Variants in CCDC171 observed in about 807,000 individuals in gnomAD.
CCDC171 encodes the protein coiled-coil domain containing 171, also known as coiled-coil domain-containing protein 171.
In CCDC171, 177 loss-of-function variants were observed where a neutral mutation model predicts 168.2. The ratio of observed to expected loss-of-function variants is 1.05; its 90% confidence interval spans 0.93 to 1.19. CCDC171 has a LOEUF of 1.19. Ranked by LOEUF, CCDC171 falls within the 50% of genes most tolerant of loss-of-function variation. The pLI is 0.00. For missense variants in CCDC171, 1,991 were observed against 1,539.0 expected (o/e 1.29, Z -4.91); for synonymous variants, 687 against 540.8 (o/e 1.27, Z -3.75).
intron 21 of CCDC171, among the ~76,000 whole-genome samples, chr9:15,799,389 T>G (rs1243571803): frequency 6.6e-6 from 1 of 151,732 alleles, no homozygotes; most frequent in Non-Finnish European, 1.5e-5. Flanking sequence ...CGTGTTCATT[T>G]TACCTTTGTT....
intron 3 of CCDC171, among the ~76,000 whole-genome samples, chr9:15,573,720 T>G (rs2040419525): frequency 1.3e-5 from 2 of 152,200 alleles, no homozygotes; most frequent in African/African-American, 4.8e-5. Context: ...CAAATGCACA[T>G]TTTACTTGAG....
intron 23 of CCDC171, among the ~76,000 whole-genome samples, chr9:15,874,077 T>C (rs1218176506): frequency 6.6e-6 from 1 of 152,104 alleles, no homozygotes; most frequent in Non-Finnish European, 1.5e-5. Context: ...AGAGTACATG[T>C]TATTGAAGTT....
Position 15,563,980 on chromosome 9 carries a change from C to G in CCDC171, c.-109C>G, listed in dbSNP as rs1194887130. The G allele has an allele frequency of 2.5e-6, 2 of 789,012 alleles. No individual in the cohort carries two copies. The highest frequency in any genetic ancestry group is 1.8e-5 in the African/African-American group (1 of 56,876). The allele number at this position is 789,012 out of a possible 1,614,324, so 48.9% of individuals were successfully genotyped here. A position where few individuals can be genotyped will look rare whatever the true frequency, so the allele number is the denominator to read the frequency against. ...TGTATCATTTACTATTTTAACAGAC[C>G]TCAAATCATCTAACGTGAAGCCACA... On this transcript the variant is annotated splice_region_variant and 5_prime_UTR_variant, in exon 2 of 26. Coordinates refer to ENST00000380701, the MANE Select transcript of CCDC171 (RefSeq NM_173550.4).
At chr9:15,625,134 A>G (rs1327187132) in intron 7 of CCDC171, among the ~76,000 whole-genome samples, 3 of 152,164 alleles carry the variant, frequency 2.0e-5, no homozygotes, top group Non-Finnish European at 2.9e-5. Context: ...GTGTCTGTTC[A>G]TATCCTTCGC....
In CCDC171 at chr9:15,779,111, C is replaced by T. The variant is rs1168783866; in HGVS notation, c.3042C>T (p.Ala1014=). Reference sequence around the variant, plus strand: ...AAATGAAAAAGGAGCTTGACAAAGCCCAGGGTCTGCAAATGCAATTAAATG... The same window carrying T: ...AAATGAAAAAGGAGCTTGACAAAGCTCAGGGTCTGCAAATGCAATTAAATG... The part of the protein sequence containing the change: ...VNEMKKELDK[A]QGLQMQLNEF... The change falls in exon 20 of 26, where the codon GCC becomes GCT. Residue 1014 remains alanine, a synonymous_variant. Coordinates refer to ENST00000380701, the MANE Select transcript of CCDC171 (RefSeq NM_173550.4). 6.3e-7 allele frequency: 1 copy of T among 1,591,720 alleles called. No homozygotes were observed. Among genetic ancestry groups the T allele is most frequent in the Admixed American group, 1.8e-5 (1 of 55,688 alleles).
At position 15,641,200 on chromosome 9, in the gene CCDC171, C is replaced by T. The variant is rs138864261; in HGVS notation, c.823-15927C>T. On this transcript the variant is annotated intron_variant, in intron 7 of 25. Transcript: ENST00000380701. ...TTTCTATTTATACAAGTTATTGATA[C>T]GTTTGGGGTAAACTTTGTGCAACTA... 3.6e-3 allele frequency among the ~76,000 whole-genome samples: 542 copies of T among 152,100 alleles called. 1 individual carries two copies. The highest frequency in any genetic ancestry group is 0.012 in the African/African-American group (487 of 41,508).
chr9:15,609,225 G>A lies in CCDC171; in HGVS notation c.676-14042G>A, dbSNP rs1290765069. On this transcript the variant is annotated intron_variant, in intron 6 of 25. Transcript: ENST00000380701. ...AGCGATTCTCCTGCCTCAGCCTCCCGAGTAGCTGGGATTACAGGTGCCTGC... is the reference window on the plus strand; with the variant it reads ...AGCGATTCTCCTGCCTCAGCCTCCCAAGTAGCTGGGATTACAGGTGCCTGC... Among the ~76,000 whole-genome samples, 9 of 151,554 alleles carry A rather than the reference G, an allele frequency of 5.9e-5. No individual in the cohort carries two copies. In the East Asian group the frequency reaches 1.6e-3, roughly 26 times the overall value.
intron 24 of CCDC171, among the ~76,000 whole-genome samples, chr9:15,896,076 C>T (rs1027684461): frequency 4.0e-5 from 6 of 151,874 alleles, no homozygotes; most frequent in Admixed American, 1.3e-4. Flanking sequence ...TGGTTTTTTT[C>T]TATGTAATTG....
intron 6 of CCDC171, among the ~76,000 whole-genome samples, chr9:15,606,491 C>G (rs1564033543): frequency 6.6e-6 from 1 of 152,086 alleles, no homozygotes; most frequent in African/African-American, 2.4e-5. Flanking sequence ...GCCTTGGGGA[C>G]TTAGAGAGGA....
At chr9:15,840,466 C>G (rs559150679) in intron 21 of CCDC171, among the ~76,000 whole-genome samples, 77 of 152,126 alleles carry the variant, frequency 5.1e-4, no homozygotes, top group African/African-American at 1.8e-3. Context: ...CTGATAAGGT[C>G]CAACAGAAGA....
At chr9:15,754,010 C>T (rs1332163474) in intron 18 of CCDC171, among the ~76,000 whole-genome samples, 1 of 152,038 alleles carries the variant, frequency 6.6e-6, no homozygotes, top group African/African-American at 2.4e-5. Context: ...TTTCCAGGGT[C>T]ATGTGTTTTC....
At chr9:16,093,044 A>G in the CCDC171 span, among the ~76,000 whole-genome samples, 2 of 152,092 alleles carry the variant, frequency 1.3e-5, no homozygotes, top group African/African-American at 4.8e-5. Context: ...TCTGCTTTCC[A>G]TCTCTGAGCT....
chr9:15,990,004 G>T lies in CCDC171; in HGVS notation n.369-30585G>T, dbSNP rs546185403. 9.7e-4 allele frequency among the ~76,000 whole-genome samples: 147 copies of T among 152,266 alleles called. 1 individual carries two copies. The highest frequency in any genetic ancestry group is 3.3e-3 in the African/African-American group (137 of 41,544). ...AAGGAACCAAGTTGGAAAACACTCTGCAGGATATTATCCAGGAGAACTTCC... is the reference window on the plus strand; with the variant it reads ...AAGGAACCAAGTTGGAAAACACTCTTCAGGATATTATCCAGGAGAACTTCC... On this transcript the variant is annotated intron_variant and non_coding_transcript_variant, in intron 3 of 9. Transcript: ENST00000486641.
chr9:16,056,321 T>C (rs766613026), intron 1 of CCDC171, among the ~76,000 whole-genome samples: 2 of 152,164 alleles, frequency 1.3e-5, no homozygotes, highest in African/African-American at 2.4e-5. Flanking sequence ...GTCTAATCCA[T>C]AGCCACTAGC....
At chr9:15,940,511 C>T (rs1036655601) in intron 25 of CCDC171, among the ~76,000 whole-genome samples, 1 of 151,856 alleles carries the variant, frequency 6.6e-6, no homozygotes, top group African/African-American at 2.4e-5. Flanking sequence ...AACTTGCAGA[C>T]CAAATGTGGG....
intron 3 of CCDC171, 95 bp from the exon 4 acceptor site, chr9:15,578,754 T>C (rs2040879797): frequency 1.0e-6 from 1 of 961,424 alleles, no homozygotes; most frequent in African/African-American, 1.7e-5. Flanking sequence ...GCCTTGTATA[T>C]ATTATGGAAA....
At chr9:15,873,500 A>G (rs1817454010) in intron 23 of CCDC171, among the ~76,000 whole-genome samples, 1 of 152,072 alleles carries the variant, frequency 6.6e-6, no homozygotes, top group Non-Finnish European at 1.5e-5. Flanking sequence ...AGCTAATTGT[A>G]TAATATTTAT....
intron 6 of CCDC171, among the ~76,000 whole-genome samples, chr9:15,622,638 C>T (rs2044596186): frequency 6.6e-6 from 1 of 151,998 alleles, no homozygotes; most frequent in Non-Finnish European, 1.5e-5. Flanking sequence ...TACTTTTGAA[C>T]TTTTTCAATA....
intron 8 of CCDC171, among the ~76,000 whole-genome samples, chr9:15,661,576 T>C (rs117279421): frequency 0.014 from 2,101 of 152,350 alleles, 28 homozygotes; most frequent in South Asian, 0.048. Context: ...GAGGTACATC[T>C]ACTACCTTTC....
Sources: allele counts gnomAD v4.1 joint callset (sites outside exome capture counted in the v4.1 genomes callset), GRCh38; gene constraint gnomAD v4.1.1; transcripts MANE v1.5; gene names NCBI Gene and HGNC (gene_info 2026-07-23, HGNC 2026-07-21).